The following AUTS2 variants were observed in gnomAD, a reference collection of about 807,000 sequenced individuals.
AUTS2 encodes the protein activator of transcription and developmental regulator AUTS2.
A neutral mutation model predicts 112.4 loss-of-function variants in AUTS2; 17 were observed. The ratio of observed to expected loss-of-function variants is 0.15; its 90% confidence interval spans 0.10 to 0.23. The LOEUF is 0.23. AUTS2 is among the 10% of genes least tolerant of loss of function. The probability of loss-of-function intolerance (pLI) is 1.00; values close to 1 mark genes in which losing one functional copy is unlikely to be tolerated. For missense variants in AUTS2, 1,510 were observed against 1,701.6 expected, an observed-to-expected ratio of 0.89 and a Z score of 1.98; for synonymous variants, 751 against 702.7, an observed-to-expected ratio of 1.07 and a Z score of -1.09.
At chr7:70,586,426 A>AGTATAATTATGATTAG (rs2067150) in intron 5 of AUTS2, among the ~76,000 whole-genome samples, 19,863 of 152,214 alleles carry the variant, frequency 0.13, 1,604 homozygotes, top group Non-Finnish European at 0.17. Flanking sequence ...GCAGGCCTTC[A>AGTATAATTATGATTAG]GCCAACAGAG....
intron 4 of AUTS2, among the ~76,000 whole-genome samples, chr7:70,160,834 A>AT (rs1158691048): frequency 3.9e-5 from 6 of 152,154 alleles, no homozygotes; most frequent in South Asian, 2.1e-4. Flanking sequence ...TGAAATTGTG[A>AT]TTTTTTAGCA....
At chr7:70,062,512 C>CAAA (rs35625069) in intron 2 of AUTS2, among the ~76,000 whole-genome samples, 42 of 121,786 alleles carry the variant, frequency 3.4e-4, no homozygotes, top group African/African-American at 9.4e-4. Flanking sequence ...GACTCCGTCT[C>CAAA]AAAAAAAAAA....
chr7:70,051,007 A>T (rs1245247789), intron 2 of AUTS2, among the ~76,000 whole-genome samples: 1 of 152,132 alleles, frequency 6.6e-6, no homozygotes. Flanking sequence ...TCAATCAATC[A>T]ATCAATTATT....
At chr7:69,637,665 A>G (rs949998606) in intron 1 of AUTS2, among the ~76,000 whole-genome samples, 9 of 149,260 alleles carry the variant, frequency 6.0e-5, no homozygotes, top group African/African-American at 2.2e-4. Context: ...AATAAGGACC[A>G]ACCTAAATAA....
At position 70,762,925 on chromosome 7, in the gene AUTS2, G is replaced by T; in HGVS notation, c.798G>T (p.Pro266=). The T allele has an allele frequency of 6.2e-7, 1 of 1,614,102 alleles. No homozygotes were observed. Residue 266 remains proline, a synonymous_variant, in exon 7 of 19, where the codon CCG becomes CCT. Transcript: ENST00000342771. Reference sequence around the variant, plus strand: ...AACATGACAGCCAGGATGCAGGGCCGATTGTCCCCAAGATATCGGGTCTAG... The same window carrying T: ...AACATGACAGCCAGGATGCAGGGCCTATTGTCCCCAAGATATCGGGTCTAG... ...LPEHDSQDAG[P]IVPKISGLER... is the part of the protein sequence containing the mutation.
At chr7:70,283,223 T>C (rs949978495) in intron 4 of AUTS2, among the ~76,000 whole-genome samples, 1 of 152,160 alleles carries the variant, frequency 6.6e-6, no homozygotes, top group Non-Finnish European at 1.5e-5. Context: ...CTGGAGAAAA[T>C]AGCAATAGTT....
intron 5 of AUTS2, among the ~76,000 whole-genome samples, chr7:70,484,706 G>T (rs958199881): frequency 6.6e-6 from 1 of 152,156 alleles, no homozygotes; most frequent in Non-Finnish European, 1.5e-5. Context: ...TGTAGGTTTA[G>T]GATCAACCTT....
chr7:70,621,031 G>A (rs543105697), intron 5 of AUTS2, among the ~76,000 whole-genome samples: 91 of 152,356 alleles, frequency 6.0e-4, no homozygotes, highest in African/African-American at 2.1e-3. Context: ...GCGGTATGGC[G>A]GCGGTGGGGT....
rs769423577 is a variant in AUTS2 at position 69,614,376 on chromosome 7, G to GCTTTCTTTCT, written c.309+14414_309+14415insCTTTCTTTCT. 7.8e-5 allele frequency among the ~76,000 whole-genome samples: 5 copies of GCTTTCTTTCT among 64,142 alleles called. 2 individuals carry two copies. Among genetic ancestry groups the GCTTTCTTTCT allele is most frequent in the Non-Finnish European group, 1.5e-4 (5 of 33,356 alleles). 42.1% of individuals were successfully genotyped at this position (64,142 alleles called of 152,430 possible). A position where few individuals can be genotyped will look rare whatever the true frequency, so the allele number is the denominator to read the frequency against. On this transcript the variant is annotated intron_variant, in intron 1 of 18. Coordinates refer to ENST00000342771, the MANE Select transcript of AUTS2 (RefSeq NM_015570.4). ...TCTTTCTTTCTTTCTTTTTTTAAGA[G>GCTTTCTTTCT]ATGGGATCTCACTCTGTTTCCCAGG...
At chr7:69,821,352 C>A (rs1028282301) in intron 1 of AUTS2, among the ~76,000 whole-genome samples, 18 of 152,122 alleles carry the variant, frequency 1.2e-4, no homozygotes, top group Non-Finnish European at 1.8e-4. Context: ...ATGCACCAAT[C>A]AGCACTCTGT....
chr7:70,290,213 C>G (rs1788646206), intron 4 of AUTS2, among the ~76,000 whole-genome samples: 1 of 152,118 alleles, frequency 6.6e-6, no homozygotes, highest in African/African-American at 2.4e-5. Flanking sequence ...TATAAATGAT[C>G]ATAAGCTTAT....
intron 2 of AUTS2, among the ~76,000 whole-genome samples, chr7:70,066,539 A>ATT (rs71068013): frequency 0.2 from 27,365 of 137,696 alleles, 2,734 homozygotes; most frequent in Middle Eastern, 0.24. Context: ...TACCCAGTAA[A>ATT]TTTTTTTTTT....
At chr7:70,435,727 C>T in intron 4 of AUTS2, 25 bp from the exon 5 acceptor site, 3 of 1,613,790 alleles carry the variant, frequency 1.9e-6, no homozygotes, top group African/African-American at 1.3e-5. Context: ...TGCACTAACC[C>T]TTATTCTCTT....
At chr7:70,505,853 G>C (rs972785553) in intron 5 of AUTS2, among the ~76,000 whole-genome samples, 3 of 152,172 alleles carry the variant, frequency 2.0e-5, no homozygotes, top group African/African-American at 7.2e-5. Flanking sequence ...CTGGCAGGCC[G>C]GGATGGGGAC....
chr7:69,873,673 T>C (rs1447277723), intron 1 of AUTS2, among the ~76,000 whole-genome samples: 4 of 152,166 alleles, frequency 2.6e-5, no homozygotes, highest in African/African-American at 7.2e-5. Flanking sequence ...CTGTGCTGAT[T>C]TGTTAGAAAT....
At chr7:69,972,210 C>G (rs1341717303) in intron 2 of AUTS2, among the ~76,000 whole-genome samples, 2 of 152,146 alleles carry the variant, frequency 1.3e-5, no homozygotes, top group African/African-American at 2.4e-5. Context: ...TGTTGAACAT[C>G]TTTTCATTTG....
intron 4 of AUTS2, among the ~76,000 whole-genome samples, chr7:70,358,202 G>A (rs1041715945): frequency 3.9e-5 from 6 of 152,126 alleles, no homozygotes; most frequent in Admixed American, 6.6e-5. Context: ...CCCTCACCCT[G>A]GTAACTTTTC....
At position 70,575,536 on chromosome 7, in the gene AUTS2, A is replaced by T. The variant is rs192584735; in HGVS notation, c.691-123033A>T. On this transcript the variant is annotated intron_variant, in intron 5 of 18. Transcript: ENST00000342771. Reference sequence around the variant, plus strand: ...AATAACCTTAAAGCATGCAGCCCCAATGCTTGTCTGTCTGATCAGGGCCCT... The same window carrying T: ...AATAACCTTAAAGCATGCAGCCCCATTGCTTGTCTGTCTGATCAGGGCCCT... Among the ~76,000 whole-genome samples the T allele has an allele frequency of 2.6e-5, 4 of 152,214 alleles. No homozygotes were observed. The East Asian group carries it at 7.7e-4, about 29-fold the overall frequency.
intron 4 of AUTS2, among the ~76,000 whole-genome samples, chr7:70,412,059 T>C (rs1794803336): frequency 6.6e-6 from 1 of 151,914 alleles, no homozygotes; most frequent in African/African-American, 2.4e-5. Context: ...CATGCCCAGC[T>C]AATTTTTGTA....
Sources: gnomAD v4.1 joint callset for allele counts (sites outside exome capture counted in the v4.1 genomes callset) on GRCh38, gnomAD v4.1.1 for gene constraint, MANE v1.5 for transcripts, NCBI Gene and HGNC (gene_info 2026-07-23, HGNC 2026-07-21) for gene names.